NCKIPSD: variants seen among roughly 807,000 people sequenced by gnomAD.
NCKIPSD encodes the protein NCK interacting protein with SH3 domain.
NCKIPSD carries 48 observed loss-of-function variants against 73.4 expected under a neutral mutation model. The ratio of observed to expected loss-of-function variants is 0.65; its 90% CI spans 0.52 to 0.83. The LOEUF is 0.83. Among genes scored for constraint, NCKIPSD ranks in the 40% least tolerant of loss-of-function variants. The pLI, the probability that NCKIPSD is intolerant of heterozygous loss-of-function variation, is 0.00. For synonymous variants in NCKIPSD, 422 were observed against 403.6 expected, an observed-to-expected ratio of 1.05 and a Z score of -0.54; for missense variants, 884 against 970.2, an observed-to-expected ratio of 0.91 and a Z score of 1.18.
In NCKIPSD at chr3:48,678,588, G is replaced by A. The variant is rs371986166; in HGVS notation, c.1941C>T (p.Ile647=). The A allele has an allele frequency of 1.5e-4, 244 of 1,613,448 alleles. 6 individuals carry two copies. In the South Asian group the frequency reaches 2.1e-3, roughly 14 times the overall value. The change falls in exon 12 of 13, where the codon ATC becomes ATT. Residue 647 remains isoleucine, a synonymous_variant. Coordinates refer to ENST00000294129, the MANE Select transcript of NCKIPSD (RefSeq NM_016453.4). ...CCTTGTCTCCTGGTGACAGGTCTGCGATGTGCCGCACAGTGATGTCAATGA... is the reference window on the plus strand; with the variant it reads ...CCTTGTCTCCTGGTGACAGGTCTGCAATGTGCCGCACAGTGATGTCAATGA... The part of the protein sequence containing the change: ...MALIDITVRH[I]ADLSPGDKLR...
At position 48,679,840 on chromosome 3, in the gene NCKIPSD, C is replaced by T; in HGVS notation, c.1311G>A (p.Glu437=). 1 of 1,614,240 alleles carries T rather than the reference C, an allele frequency of 6.2e-7. No homozygotes were observed. Among genetic ancestry groups the T allele is most frequent in the African/African-American group, 1.3e-5 (1 of 75,062 alleles). Residue 437 remains glutamate, a synonymous_variant, in exon 7 of 13, where the codon GAG becomes GAA. Coordinates refer to ENST00000294129, the MANE Select transcript of NCKIPSD (RefSeq NM_016453.4). ...CCACCAAGGCCAGGACAGACTCGAA[C>T]TCGTTTCTCTTGCACATTTTCTTGC... ...EVCKKMCKRN[E]FESVLALVAY...
At chr3:48,679,945 C>T (rs2077323144) in intron 6 of NCKIPSD, 58 bp from the exon 7 acceptor site, 2 of 1,612,850 alleles carry the variant, frequency 1.2e-6, no homozygotes, top group Admixed American at 3.3e-5. Context: ...TGCAGCCGCA[C>T]AAGAGAGGGC....
At position 48,681,371 on chromosome 3, in the gene NCKIPSD, G is replaced by A. The variant is rs2077350054; in HGVS notation, c.1008C>T (p.Gly336=). Residue 336 remains glycine (G), a synonymous_variant, in exon 5 of 13, where the codon GGC becomes GGT. Transcript: ENST00000294129. ...AGGCCTGGATGTGACCCACTATGAT[G>A]CCGATGGCCACCCGGCATAATTCGT... ...LSHELCRVAI[G]IIVGHIQASV... 5 of 1,611,820 alleles carry A rather than the reference G, an allele frequency of 3.1e-6. No homozygotes were observed. The highest frequency in any genetic ancestry group is 1.3e-5 in the African/African-American group (1 of 74,896).
chr3:48,679,962 C>T (rs542559128), intron 6 of NCKIPSD, 75 bp from the exon 7 acceptor site: 2 of 1,612,046 alleles, frequency 1.2e-6, no homozygotes, highest in East Asian at 4.5e-5. Context: ...GGGCTGAGCA[C>T]ATATGTGTAG....
At chr3:48,681,082 TG>T in intron 5 of NCKIPSD, 1 of 720,980 alleles carries the variant, frequency 1.4e-6, no homozygotes, top group Non-Finnish European at 2.2e-6. Flanking sequence ...TCCTGCCTTG[TG>T]GCCCTTGTCC....
intron 1 of NCKIPSD, among the ~76,000 whole-genome samples, chr3:48,684,405 T>C (rs937908113): frequency 1.1e-4 from 17 of 152,032 alleles, no homozygotes; most frequent in African/African-American, 2.2e-4. Flanking sequence ...CCCAAAAAGG[T>C]TGGGTCTGAC....
Position 48,681,800 on chromosome 3 carries a change from G to A in NCKIPSD, c.599-20C>T. 6.8e-7 allele frequency: 1 copy of A among 1,474,892 alleles called. No individual in the cohort carries two copies. Among genetic ancestry groups the A allele is most frequent in the Non-Finnish European group, 9.0e-7 (1 of 1,114,292 alleles). The allele number at this position is 1,474,892 out of a possible 1,614,324, so 91.4% of individuals were successfully genotyped here. On this transcript the variant is annotated intron_variant, in intron 4 of 12. Transcript: ENST00000294129. The stretch of plus-strand genomic sequence containing the variant: ...GGCCACCTGCGAGCAGTGAGTAGAA[G>A]CTGGGCCAGGGCAGCCCCCTGGAAA...
chr3:48,676,810 A>G (rs2077262519), intron 12 of NCKIPSD, among the ~76,000 whole-genome samples: 2 of 150,742 alleles, frequency 1.3e-5, no homozygotes, highest in South Asian at 4.2e-4. Flanking sequence ...CCCATCTGTC[A>G]CCCAAGCTGG....
At chr3:48,675,774 G>A (rs1337198943) in intron 12 of NCKIPSD, among the ~76,000 whole-genome samples, 2 of 151,724 alleles carry the variant, frequency 1.3e-5, no homozygotes, top group East Asian at 1.9e-4. Context: ...TCAAACTCCA[G>A]ACTTCAAGTG....
In NCKIPSD at chr3:48,674,545, T is replaced by C; in HGVS notation, c.2168A>G (p.Ter723TrpextTer33). 6.3e-7 allele frequency: 1 copy of C among 1,585,084 alleles called. No individual in the cohort carries two copies. The highest frequency in any genetic ancestry group is 8.6e-7 in the Non-Finnish European group (1 of 1,164,574). ...CAGGGAAGGGAGGACAGCAAGGTGC[T>C]AGCTGGGAGCCTCCCCCAGCACCAG... Reference protein sequence around the residue: ...EFLVLGEAPS* With the variant: ...EFLVLGEAPSW The change falls in exon 13 of 13, where the codon TAG becomes TGG. Residue 723 changes from the stop codon to tryptophan, a stop_lost. Coordinates refer to ENST00000294129, the MANE Select transcript of NCKIPSD (RefSeq NM_016453.4).
chr3:48,681,185 G>GT, intron 5 of NCKIPSD, 102 bp downstream of exon 5: 1 of 1,466,604 alleles, frequency 6.8e-7, no homozygotes, highest in Non-Finnish European at 9.1e-7. Context: ...AGAGCTCAGA[G>GT]CCAGAGCTTG....
Position 48,682,557 on chromosome 3 carries a change from T to A in NCKIPSD, c.282-5A>T. ...TTCCGGTGGTGGATCAGCTTCCTGA[T>A]GGAAGGACAGGAAGACTATTGGGGG... is the stretch of plus-strand genomic sequence containing the variant. On this transcript the variant is annotated splice_polypyrimidine_tract_variant and splice_region_variant and intron_variant, in intron 2 of 12. Coordinates refer to ENST00000294129, the MANE Select transcript of NCKIPSD (RefSeq NM_016453.4). 3 of 1,613,684 alleles carry A rather than the reference T, an allele frequency of 1.9e-6. No homozygotes were observed. The highest frequency in any genetic ancestry group is 2.5e-6 in the Non-Finnish European group (3 of 1,179,746).
chr3:48,679,797 A>G lies in NCKIPSD; in HGVS notation c.1350+4T>C. 1 of 1,614,204 alleles carries G rather than the reference A, an allele frequency of 6.2e-7. No homozygotes were observed. The highest frequency in any genetic ancestry group is 8.5e-7 in the Non-Finnish European group (1 of 1,180,030). On this transcript the variant is annotated splice_donor_region_variant and intron_variant, in intron 7 of 12. Coordinates refer to ENST00000294129, the MANE Select transcript of NCKIPSD (RefSeq NM_016453.4). ...ATTACCCCTCCCCTCCATCCTGCAC[A>G]TACCATTTGGTAATAGGCCACCAAG...
At position 48,679,576 on chromosome 3, in the gene NCKIPSD, C is replaced by T. The variant is rs768233160; in HGVS notation, c.1488G>A (p.Gln496=). The change falls in exon 8 of 13, where the codon CAG becomes CAA. Residue 496 remains glutamine (Q), a splice_region_variant and synonymous_variant. Coordinates refer to ENST00000294129, the MANE Select transcript of NCKIPSD (RefSeq NM_016453.4). ...ELARDMQTDT[Q]DHQKLCYSAL... is the part of the protein sequence containing the mutation. ...TCCTACCCCGCCCTCCAGCCTCACC[C>T]TGCGTGTCTGTCTGCATGTCCCTCG... 1.4e-5 allele frequency: 23 copies of T among 1,613,956 alleles called. No homozygotes were observed. Among genetic ancestry groups the T allele is most frequent in the South Asian group, 3.3e-5 (3 of 91,090 alleles).
In NCKIPSD at chr3:48,682,341, C is replaced by G; in HGVS notation, c.486+7G>C. ...CCTCCCTTCTCCACGATGTCCTCCC[C>G]ACACACCTGGTAGAGGCCTCCATCT... On this transcript the variant is annotated splice_region_variant and intron_variant, in intron 3 of 12. Transcript: ENST00000294129. 1.2e-6 allele frequency: 2 copies of G among 1,613,884 alleles called. No individual in the cohort carries two copies. Among genetic ancestry groups the G allele is most frequent in the Non-Finnish European group, 1.7e-6 (2 of 1,179,866 alleles).
intron 5 of NCKIPSD, among the ~76,000 whole-genome samples, chr3:48,680,938 C>G (rs113364448): frequency 6.6e-6 from 1 of 152,182 alleles, no homozygotes; most frequent in African/African-American, 2.4e-5. Flanking sequence ...CCAGACAGAA[C>G]TCTTGGCCAC....
intron 12 of NCKIPSD, among the ~76,000 whole-genome samples, chr3:48,677,787 G>A (rs1415144812): frequency 6.6e-6 from 1 of 152,144 alleles, no homozygotes; most frequent in Non-Finnish European, 1.5e-5. Context: ...CTGTGCCCAG[G>A]GCTGCAGCCC....
intron 9 of NCKIPSD, 69 bp downstream of exon 9, chr3:48,679,307 GT>G: frequency 6.2e-7 from 1 of 1,612,532 alleles, no homozygotes; most frequent in Non-Finnish European, 8.5e-7. Flanking sequence ...TAGTCAGCAG[GT>G]CCCAGGCCCT....
At chr3:48,679,283 C>T (rs2077307624) in intron 9 of NCKIPSD, 94 bp downstream of exon 9, 1 of 1,611,648 alleles carries the variant, frequency 6.2e-7, no homozygotes, top group Non-Finnish European at 8.5e-7. Context: ...ATAGCCTCTC[C>T]CTGCTAGGCT....
Sources: gnomAD v4.1 joint callset for allele counts (sites outside exome capture counted in the v4.1 genomes callset) on GRCh38, gnomAD v4.1.1 for gene constraint, MANE v1.5 for transcripts, NCBI Gene and HGNC (gene_info 2026-07-23, HGNC 2026-07-21) for gene names.